SH3KBP1: variants seen among roughly 807,000 people sequenced by gnomAD.
SH3KBP1 encodes SH3 domain-containing kinase-binding protein 1.
Under a neutral mutation model 50.1 loss-of-function variants are expected in SH3KBP1, and 8 were observed. The ratio of observed to expected loss-of-function variants is 0.16; its 90% confidence interval spans 0.09 to 0.29. The LOEUF is 0.29. Among genes scored for constraint, SH3KBP1 ranks in the 10% least tolerant of loss-of-function variants. SH3KBP1 has a pLI of 1.00. For synonymous variants in SH3KBP1, 227 were observed against 218.6 expected (o/e 1.04, Z -0.34); for missense variants, 377 against 535.2 (o/e 0.70, Z 2.92).
At chrX:19,751,023 G>C (rs1418618616) in intron 2 of SH3KBP1, among the ~76,000 whole-genome samples, 3 of 111,499 alleles carry the variant, frequency 2.7e-5, no homozygotes, top group Non-Finnish European at 5.7e-5. Context: ...CCAGTGGCAT[G>C]ACTATAGGAG....
At chrX:19,871,748 G>C (rs946906285) in intron 1 of SH3KBP1, among the ~76,000 whole-genome samples, 2 of 111,064 alleles carry the variant, frequency 1.8e-5, no homozygotes, top group African/African-American at 3.3e-5. Flanking sequence ...TTAAAGCTAA[G>C]AGCACAATTT....
intron 6 of SH3KBP1, among the ~76,000 whole-genome samples, chrX:19,656,862 C>A (rs2148459122): frequency 8.9e-6 from 1 of 111,977 alleles, no homozygotes; most frequent in South Asian, 3.7e-4. Flanking sequence ...AAACTCCTGA[C>A]ACATATGAAA....
At chrX:19,766,100 T>C (rs1318936005) in intron 2 of SH3KBP1, among the ~76,000 whole-genome samples, 1 of 111,997 alleles carries the variant, frequency 8.9e-6, no homozygotes, top group Non-Finnish European at 1.9e-5. Context: ...TTGTTTTTTA[T>C]GGTAGCTACA....
chrX:19,572,270 A>T (rs1286022625), intron 12 of SH3KBP1, among the ~76,000 whole-genome samples: 1 of 106,540 alleles, frequency 9.4e-6, no homozygotes, highest in South Asian at 3.8e-4. Context: ...TGTTATATAG[A>T]GTATATGTTA....
At chrX:19,839,513 T>C (rs190560634) in intron 1 of SH3KBP1, among the ~76,000 whole-genome samples, 2 of 110,947 alleles carry the variant, frequency 1.8e-5, no homozygotes, top group Non-Finnish European at 3.8e-5. Context: ...ATTTTTGTAT[T>C]GTTTGTAGAG....
rs908580379 is a variant in SH3KBP1 at position 19,788,292 on chromosome X, A to G, written c.163-41851T>C. On this transcript the variant is annotated intron_variant, in intron 2 of 17. Coordinates refer to ENST00000397821, the MANE Select transcript of SH3KBP1 (RefSeq NM_031892.3). ...TCCAAAAAAAAAAAAAAAACAAAAA[A>G]AAAAAACACAAAAATGAAGAACTTT... is the stretch of plus-strand genomic sequence containing the variant. Among the ~76,000 whole-genome samples, 15 of 108,416 alleles carry G rather than the reference A, an allele frequency of 1.4e-4. 1 individual carries two copies. The highest frequency in any genetic ancestry group is 4.7e-4 in the African/African-American group (14 of 29,693). 94.1% of individuals were successfully genotyped at this position (108,416 alleles called of 115,157 possible). A position where few individuals can be genotyped will look rare whatever the true frequency, so the allele number is the denominator to read the frequency against.
rs1602997503 is a variant in SH3KBP1 at position 19,684,166 on chromosome X, G to A, written c.521-138C>T. 7.9e-5 allele frequency: 37 copies of A among 468,940 alleles called. No individual in the cohort carries two copies. The East Asian group carries it at 1.3e-3, about 16-fold the overall frequency. The allele number at this position is 468,940 out of a possible 1,213,427, so 38.6% of individuals were successfully genotyped here. A position where few individuals can be genotyped will look rare whatever the true frequency, so the allele number is the denominator to read the frequency against. Reference sequence around the variant, plus strand: ...AACTTGCACTAGGCTTTTGTATTCAGTATGTTGAGTAGTTTGACTGGCTCT... The same window carrying A: ...AACTTGCACTAGGCTTTTGTATTCAATATGTTGAGTAGTTTGACTGGCTCT... On this transcript the variant is annotated intron_variant, in intron 5 of 17. Coordinates refer to ENST00000397821, the MANE Select transcript of SH3KBP1 (RefSeq NM_031892.3).
chrX:19,887,187 C>G, intron 1 of SH3KBP1, 120 bp downstream of exon 1: 1 of 596,986 alleles, frequency 1.7e-6, no homozygotes, highest in Non-Finnish European at 2.2e-6. Context: ...GGGCGCCCAC[C>G]GCGGTGTCCC....
intron 2 of SH3KBP1, among the ~76,000 whole-genome samples, chrX:19,827,076 C>T (rs973129769): frequency 9.0e-6 from 1 of 111,684 alleles, no homozygotes; most frequent in Non-Finnish European, 1.9e-5. Flanking sequence ...ATTCACCAAC[C>T]ACTTTAAACA....
chrX:19,611,344 T>A (rs1469330483), intron 8 of SH3KBP1, among the ~76,000 whole-genome samples: 1 of 111,716 alleles, frequency 9.0e-6, no homozygotes, highest in Non-Finnish European at 1.9e-5. Context: ...GTGGTTTTTT[T>A]GTTTGTTTTT....
Position 19,545,979 on chromosome X carries a change from A to C in SH3KBP1, c.1566T>G (p.Leu522=). The C allele has an allele frequency of 8.3e-7, 1 of 1,211,077 alleles. No homozygotes were observed. Among genetic ancestry groups the C allele is most frequent in the Non-Finnish European group, 1.1e-6 (1 of 894,721 alleles). ...TTGACGCGTCCACTCCTCTGTGCGC[A>C]AGTGAAATGTGTTCCTCCTTATCCT... ...PEEDKEEHIS[L]AHRGVDASKK... The change falls in exon 15 of 18, where the codon CTT becomes CTG. Residue 522 remains leucine, a synonymous_variant. Transcript: ENST00000397821.
chrX:19,854,087 G>C (rs1384937808), intron 1 of SH3KBP1, among the ~76,000 whole-genome samples: 1 of 111,131 alleles, frequency 9.0e-6, no homozygotes, highest in Non-Finnish European at 1.9e-5. Context: ...AGGGTCTTGA[G>C]GTTAAACCTC....
intron 4 of SH3KBP1, among the ~76,000 whole-genome samples, chrX:19,703,696 C>CTGTGTGTGTGTGTGTG (rs56915755): frequency 1.6e-5 from 1 of 63,500 alleles, no homozygotes; most frequent in Non-Finnish European, 3.0e-5. Context: ...AAAAGAGAAA[C>CTGTGTGTGTGTGTGTG]TGTGTGTGTG....
chrX:19,827,899 AAAC>A (rs1339586878), intron 2 of SH3KBP1, among the ~76,000 whole-genome samples: 31 of 99,876 alleles, frequency 3.1e-4, no homozygotes, highest in African/African-American at 1.3e-3. Flanking sequence ...AAAAACAAAC[AAAC>A]AAACAAACAA....
At chrX:19,872,812 T>TTCTC (rs766238422) in intron 1 of SH3KBP1, among the ~76,000 whole-genome samples, 19 of 98,025 alleles carry the variant, frequency 1.9e-4, no homozygotes, top group African/African-American at 5.6e-4. Flanking sequence ...TCCATCTCTC[T>TTCTC]TCTCTCTCTC....
chrX:19,587,096 C>A (rs565788301), intron 12 of SH3KBP1, among the ~76,000 whole-genome samples: 1 of 109,752 alleles, frequency 9.1e-6, no homozygotes, highest in Non-Finnish European at 1.9e-5. Flanking sequence ...GTGGCACATG[C>A]CTGTAGTCCC....
chrX:19,653,763 TACACACACAC>T lies in SH3KBP1; in HGVS notation c.727-8298_727-8289del, dbSNP rs60424271. On this transcript the variant is annotated intron_variant, in intron 6 of 17. Coordinates refer to ENST00000397821, the MANE Select transcript of SH3KBP1 (RefSeq NM_031892.3). The stretch of plus-strand genomic sequence containing the variant: ...ACATACACATATATATATGTCTAAA[TACACACACAC>T]ACACACACACACACACACACACACA... Among the ~76,000 whole-genome samples the T allele has an allele frequency of 3.0e-3, 239 of 80,266 alleles. 1 individual carries two copies. The highest frequency in any genetic ancestry group is 8.4e-3 in the African/African-American group (197 of 23,494). The allele number at this position is 80,266 out of a possible 115,157, so 69.7% of individuals were successfully genotyped here.
chrX:19,551,550 C>CTTTTTTTTTTT (rs397800260), intron 13 of SH3KBP1, among the ~76,000 whole-genome samples: 2 of 95,171 alleles, frequency 2.1e-5, no homozygotes, highest in African/African-American at 8.6e-5. Context: ...CTCCCTCCCT[C>CTTTTTTTTTTT]TTTTTTTTTT....
intron 1 of SH3KBP1, among the ~76,000 whole-genome samples, chrX:19,878,505 T>TGTGTGTGTGAGAGAGA (rs1491094714): frequency 8.3e-5 from 4 of 48,214 alleles, no homozygotes; most frequent in Non-Finnish European, 1.8e-4. Context: ...TGTGTGTGTG[T>TGTGTGTGTGAGAGAGA]GAGAGAGAGA....
Sources: gnomAD v4.1 joint callset for allele counts (sites outside exome capture counted in the v4.1 genomes callset) on GRCh38, gnomAD v4.1.1 for gene constraint, MANE v1.5 for transcripts, NCBI Gene and HGNC (gene_info 2026-07-23, HGNC 2026-07-21) for gene names.